Variants in AZGP1 observed in about 807,000 individuals in gnomAD.
The protein encoded by AZGP1 is zinc-alpha-2-glycoprotein.
Under a neutral mutation model 31.5 loss-of-function variants are expected in AZGP1, and 28 were observed. The ratio of observed to expected loss-of-function variants is 0.89; its 90% CI spans 0.66 to 1.22. AZGP1 has a LOEUF of 1.22. AZGP1 is among the 50% of genes most tolerant of loss of function. The pLI is 0.00. For synonymous variants in AZGP1, 135 were observed against 145.4 expected (o/e 0.93, Z 0.51); for missense variants, 361 against 371.8 (o/e 0.97, Z 0.24).
At chr7:99,974,506 G>A (rs1789628155) in intron 1 of AZGP1, among the ~76,000 whole-genome samples, 1 of 151,430 alleles carries the variant, frequency 6.6e-6, no homozygotes, top group Non-Finnish European at 1.5e-5. Context: ...AAAATTGCTT[G>A]AACCTGGGAG....
intron 3 of AZGP1, 89 bp from the exon 4 acceptor site, chr7:99,967,375 G>A (rs1789501962): frequency 8.4e-6 from 12 of 1,424,264 alleles, no homozygotes; most frequent in African/African-American, 4.3e-5. Flanking sequence ...GGATGTCAGC[G>A]ATCAGCAGAG....
intron 2 of AZGP1, 29 bp from the exon 3 acceptor site, chr7:99,968,459 A>G (rs1186304753): frequency 6.2e-7 from 1 of 1,602,136 alleles, no homozygotes; most frequent in Non-Finnish European, 8.5e-7. Context: ...CCACAGAGAG[A>G]CAGTCAGCCT....
chr7:99,970,567 G>A lies in AZGP1; in HGVS notation c.337+1179C>T, dbSNP rs148697840. Reference sequence around the variant, plus strand: ...CTTCTATTATTTTCTAATACCCTGTGTTCATCTCCTCATCCTCCTTCCTCT... The same window carrying A: ...CTTCTATTATTTTCTAATACCCTGTATTCATCTCCTCATCCTCCTTCCTCT... On this transcript the variant is annotated intron_variant, in intron 2 of 3. Transcript: ENST00000292401. 4.6e-5 allele frequency among the ~76,000 whole-genome samples: 7 copies of A among 151,924 alleles called. No homozygotes were observed. The East Asian group carries it at 9.7e-4, about 21-fold the overall frequency.
At position 99,966,911 on chromosome 7, in the gene AZGP1, A is replaced by G. The variant is rs1789487632; in HGVS notation, c.*92T>C. 1.3e-6 allele frequency: 2 copies of G among 1,510,038 alleles called. No individual in the cohort carries two copies. The highest frequency in any genetic ancestry group is 1.8e-6 in the Non-Finnish European group (2 of 1,114,108). 93.5% of individuals were successfully genotyped at this position (1,510,038 alleles called of 1,614,324 possible). A position where few individuals can be genotyped will look rare whatever the true frequency, so the allele number is the denominator to read the frequency against. ...ACTGCTCCTCAGGCCTTGTGGATCC[A>G]TTGACTGTGATTTCTGTGGTTCAGC... is the stretch of plus-strand genomic sequence containing the variant. On this transcript the variant is annotated 3_prime_UTR_variant, in exon 4 of 4. Coordinates refer to ENST00000292401, the MANE Select transcript of AZGP1 (RefSeq NM_001185.4).
intron 2 of AZGP1, among the ~76,000 whole-genome samples, chr7:99,970,269 G>A (rs1038113640): frequency 2.6e-5 from 4 of 151,684 alleles, no homozygotes; most frequent in South Asian, 2.1e-4. Context: ...TTTAGACAAC[G>A]TTTCACTCTT....
At chr7:99,973,995 AG>A (rs1789619227) in intron 1 of AZGP1, among the ~76,000 whole-genome samples, 1 of 151,862 alleles carries the variant, frequency 6.6e-6, no homozygotes, top group Non-Finnish European at 1.5e-5. Context: ...AACTGGGGCC[AG>A]GTGTGGTGGC....
intron 1 of AZGP1, among the ~76,000 whole-genome samples, chr7:99,973,845 G>T (rs756123254): frequency 6.6e-6 from 1 of 151,690 alleles, no homozygotes; most frequent in Non-Finnish European, 1.5e-5. Context: ...AAGCCCGGGA[G>T]GCAGAGGTTG....
chr7:99,975,759 C>T (rs1231528230), intron 1 of AZGP1, among the ~76,000 whole-genome samples, 186 bp downstream of exon 1: 11 of 152,062 alleles, frequency 7.2e-5, no homozygotes, highest in East Asian at 1.9e-4. Flanking sequence ...TTATTTCGGG[C>T]CAGCGCAGAG....
intron 1 of AZGP1, among the ~76,000 whole-genome samples, chr7:99,975,333 C>G (rs545900304): frequency 6.6e-6 from 1 of 152,294 alleles, no homozygotes; most frequent in Non-Finnish European, 1.5e-5. Flanking sequence ...AACTGAGAAG[C>G]CATTCGCTTC....
chr7:99,969,474 G>C (rs1789546162), intron 2 of AZGP1, among the ~76,000 whole-genome samples: 1 of 151,658 alleles, frequency 6.6e-6, no homozygotes, highest in Admixed American at 6.6e-5. Context: ...CCAGTTATCG[G>C]GAGGCTGAGG....
At position 99,967,201 on chromosome 7, in the gene AZGP1, C is replaced by T. The variant is rs1169120118; in HGVS notation, c.699G>A (p.Gly233=). Residue 233 remains glycine (G), a synonymous_variant, in exon 4 of 4, where the codon GGG becomes GGA. Transcript: ENST00000292401. ...CCCGAGTCCAGTGCACATCAATTTT[C>T]CCTGGGTAGAAGTCGTAGGCCAGGC... is the stretch of plus-strand genomic sequence containing the variant. ...LKCLAYDFYP[G]KIDVHWTRAG... 15 of 1,613,894 alleles carry T rather than the reference C, an allele frequency of 9.3e-6. No homozygotes were observed. Among genetic ancestry groups the T allele is most frequent in the Admixed American group, 3.3e-5 (2 of 59,980 alleles).
intron 1 of AZGP1, among the ~76,000 whole-genome samples, chr7:99,973,058 A>T (rs1031297199): frequency 6.6e-6 from 1 of 151,984 alleles, no homozygotes; most frequent in African/African-American, 2.4e-5. Context: ...CGGAGCTTGC[A>T]GTGAGCTGAG....
In AZGP1 at chr7:99,968,441, C is replaced by T; in HGVS notation, c.338-11G>A. 6.2e-7 allele frequency: 1 copy of T among 1,611,642 alleles called. No individual in the cohort carries two copies. The highest frequency in any genetic ancestry group is 8.5e-7 in the Non-Finnish European group (1 of 1,179,508). ...GCAATACGTGAGACCCTGAAAACTC[C>T]CCCGACCCCACAGAGAGACAGTCAG... On this transcript the variant is annotated splice_polypyrimidine_tract_variant and intron_variant, in intron 2 of 3. Coordinates refer to ENST00000292401, the MANE Select transcript of AZGP1 (RefSeq NM_001185.4).
chr7:99,967,167 C>A lies in AZGP1; in HGVS notation c.733G>T (p.Val245Leu). ...IDVHWTRAGEVQEPELRGDVL... is the reference protein window; with the variant it reads ...IDVHWTRAGELQEPELRGDVL... Reference sequence around the variant, plus strand: ...TCTCCCCGTAACTCAGGCTCCTGCACCTCGCCGGCCCGAGTCCAGTGCACA... The same window carrying A: ...TCTCCCCGTAACTCAGGCTCCTGCAACTCGCCGGCCCGAGTCCAGTGCACA... The change falls in exon 4 of 4, where the codon GTG (valine) becomes TTG (leucine). Residue 245 changes from valine to leucine, a missense_variant. Coordinates refer to ENST00000292401, the MANE Select transcript of AZGP1 (RefSeq NM_001185.4). 1 of 1,614,180 alleles carries A rather than the reference C, an allele frequency of 6.2e-7. No homozygotes were observed. The highest frequency in any genetic ancestry group is 8.5e-7 in the Non-Finnish European group (1 of 1,180,022).
At chr7:99,974,076 C>A (rs1427451963) in intron 1 of AZGP1, among the ~76,000 whole-genome samples, 1 of 151,684 alleles carries the variant, frequency 6.6e-6, no homozygotes, top group African/African-American at 2.4e-5. Context: ...AGGTCAAGAC[C>A]AGTCTAGCCA....
At chr7:99,968,048 G>A (rs1390770897) in intron 3 of AZGP1, 107 bp downstream of exon 3, 1 of 1,416,940 alleles carries the variant, frequency 7.1e-7, no homozygotes, top group Non-Finnish European at 9.8e-7. Context: ...GGGGTCTGAG[G>A]GACATCCAGG....
chr7:99,971,888 G>A lies in AZGP1; in HGVS notation c.195C>T (p.Asp65=). The change falls in exon 2 of 4, where the codon GAC becomes GAT. Residue 65 remains aspartate, a synonymous_variant. Transcript: ENST00000292401. ...DLQFFRYNSK[D]RKSQPMGLWR... Reference sequence around the variant, plus strand: ...AGAGTCCCATGGGCTGAGACTTCCTGTCTTTACTGTTGTATCTAAAGAACT... The same window carrying A: ...AGAGTCCCATGGGCTGAGACTTCCTATCTTTACTGTTGTATCTAAAGAACT... The A allele has an allele frequency of 1.2e-6, 2 of 1,614,132 alleles. No individual in the cohort carries two copies. Among genetic ancestry groups the A allele is most frequent in the African/African-American group, 1.3e-5 (1 of 75,006 alleles).
rs1789507412 is a variant in AZGP1 at position 99,967,738 on chromosome 7, T to A, written c.613+417A>T. The A allele has an allele frequency of 9.0e-6, 4 of 443,494 alleles. No homozygotes were observed. In the South Asian group the frequency reaches 1.2e-4, roughly 13 times the overall value. 27.5% of individuals were successfully genotyped at this position (443,494 alleles called of 1,614,324 possible). On this transcript the variant is annotated intron_variant, in intron 3 of 3. Transcript: ENST00000292401. ...TGCTCTTGTCCTTCTGGGGCTGACA[T>A]TTTACACGCCTCCCTTCTCTCCACC...
chr7:99,966,787 G>C lies in AZGP1; in HGVS notation c.*216C>G. ...TTCTACAGATTAGACAATGGGGTGG[G>C]GGTGGGCTCAAGGTGAGATGATTTT... On this transcript the variant is annotated 3_prime_UTR_variant, in exon 4 of 4. Transcript: ENST00000292401. The C allele has an allele frequency of 1.6e-6, 1 of 626,110 alleles. No homozygotes were observed. Among genetic ancestry groups the C allele is most frequent in the South Asian group, 2.0e-5 (1 of 50,432 alleles). 38.8% of individuals were successfully genotyped at this position (626,110 alleles called of 1,614,324 possible). A position where few individuals can be genotyped will look rare whatever the true frequency, so the allele number is the denominator to read the frequency against.
Sources: allele counts gnomAD v4.1 joint callset (sites outside exome capture counted in the v4.1 genomes callset), GRCh38; gene constraint gnomAD v4.1.1; transcripts MANE v1.5; gene names NCBI Gene and HGNC (gene_info 2026-07-23, HGNC 2026-07-21).